Variants in USP44 observed in about 807,000 individuals in gnomAD.
The protein encoded by USP44 is ubiquitin specific peptidase 44, also known as ubiquitin carboxyl-terminal hydrolase 44.
Under a neutral mutation model 69.0 loss-of-function variants are expected in USP44, and 61 were observed. The ratio of observed to expected loss-of-function variants is 0.88; its 90% confidence interval spans 0.72 to 1.09. The LOEUF is 1.09. Among genes scored for constraint, USP44 ranks in the 50% least tolerant of loss-of-function variants. USP44 has a pLI of 0.00. For synonymous variants in USP44, 297 were observed against 295.4 expected (o/e 1.01, Z -0.06); for missense variants, 753 against 849.9 (o/e 0.89, Z 1.42).
chr12:95,519,432 A>ATTTTTTTTTTTTT (rs60940181), intron 5 of USP44, among the ~76,000 whole-genome samples: 2 of 84,544 alleles, frequency 2.4e-5, no homozygotes, highest in Non-Finnish European at 4.3e-5. Flanking sequence ...CTCAATCTGT[A>ATTTTTTTTTTTTT]TTTTTTTTTT....
chr12:95,543,261 C>T (rs866128243), intron 1 of USP44, among the ~76,000 whole-genome samples: 2 of 148,802 alleles, frequency 1.3e-5, no homozygotes, highest in Admixed American at 1.3e-4. Flanking sequence ...ATTAGCCGGG[C>T]GTGGTGGCAC....
intron 1 of USP44, chr12:95,546,649 C>T (rs1055611965): frequency 1.3e-5 from 2 of 152,192 alleles, no homozygotes; most frequent in Non-Finnish European, 2.9e-5. Flanking sequence ...TAGAATCTGG[C>T]ACCCACGTTT....
rs985221152 is a variant in USP44 at position 95,517,328 on chromosome 12, A to AATG, written c.*823_*825dup. The AATG allele has an allele frequency of 9.2e-5, 14 of 152,176 alleles. No individual in the cohort carries two copies. Among genetic ancestry groups the AATG allele is most frequent in the Admixed American group, 7.9e-4 (12 of 15,270 alleles). 9.4% of individuals were successfully genotyped at this position (152,176 alleles called of 1,614,324 possible). A position where few individuals can be genotyped will look rare whatever the true frequency, so the allele number is the denominator to read the frequency against. ...AAATACATAAAGTTTTAAGAGATCT[A>AATG]ATGTCATCAGACATTATAAAATGAA... On this transcript the variant is annotated 3_prime_UTR_variant, in exon 6 of 6. Coordinates refer to ENST00000258499, the MANE Select transcript of USP44 (RefSeq NM_032147.5).
At chr12:95,519,774 T>G (rs1186287937) in intron 5 of USP44, among the ~76,000 whole-genome samples, 1 of 145,022 alleles carries the variant, frequency 6.9e-6, no homozygotes, top group Non-Finnish European at 1.5e-5. Context: ...GCATGGTGGC[T>G]CACGCCTGTA....
chr12:95,534,071 T>G lies in USP44; in HGVS notation c.186A>C (p.Gln62His). 1 of 1,614,234 alleles carries G rather than the reference T, an allele frequency of 6.2e-7. No homozygotes were observed. Among genetic ancestry groups the G allele is most frequent in the Non-Finnish European group, 8.5e-7 (1 of 1,180,046 alleles). ...CCAATGCAACAGGATGACTGCTTTC[T>G]TGAAAGTGCTTGAGTGCATGCTCTT... is the stretch of plus-strand genomic sequence containing the variant. ...YIEEHALKHFQESSHPVALEV... is the reference protein window; with the variant it reads ...YIEEHALKHFHESSHPVALEV... The change falls in exon 2 of 6, where the codon CAA (glutamine) becomes CAC (histidine). Residue 62 changes from glutamine to histidine, a missense_variant. Coordinates refer to ENST00000258499, the MANE Select transcript of USP44 (RefSeq NM_032147.5).
intron 1 of USP44, among the ~76,000 whole-genome samples, chr12:95,540,890 T>C (rs970524104): frequency 2.0e-5 from 3 of 152,226 alleles, no homozygotes; most frequent in African/African-American, 7.2e-5. Flanking sequence ...ATAATTTTAA[T>C]TTCCTCATTA....
Position 95,518,123 on chromosome 12 carries a change from A to G in USP44, c.*31T>C, listed in dbSNP as rs746262930. 3.4e-5 allele frequency: 54 copies of G among 1,609,774 alleles called. No homozygotes were observed. Among genetic ancestry groups the G allele is most frequent in the Admixed American group, 5.0e-5 (3 of 59,682 alleles). On this transcript the variant is annotated 3_prime_UTR_variant, in exon 6 of 6. Transcript: ENST00000258499. The stretch of plus-strand genomic sequence containing the variant: ...AGTCTTTTAAAAAGTATATATATAA[A>G]TCACAGGAAGAAAACCCCATTGTCT...
intron 1 of USP44, among the ~76,000 whole-genome samples, chr12:95,543,653 A>G (rs1565840117): frequency 2.0e-5 from 3 of 151,830 alleles, no homozygotes; most frequent in Admixed American, 6.6e-5. Flanking sequence ...AAGGGTAGCT[A>G]AATTTTTTTT....
intron 1 of USP44, chr12:95,546,407 C>T (rs1302287030): frequency 6.6e-6 from 1 of 152,176 alleles, no homozygotes; most frequent in African/African-American, 2.4e-5. Context: ...TCTAAAATTG[C>T]TGTGAATGTT....
chr12:95,523,426 C>T (rs1021206702), intron 4 of USP44, among the ~76,000 whole-genome samples: 2 of 152,040 alleles, frequency 1.3e-5, no homozygotes, highest in Non-Finnish European at 2.9e-5. Context: ...TAGAGGACAC[C>T]CAGCTCGCAT....
chr12:95,550,410 A>G (rs918920651), intron 1 of USP44, among the ~76,000 whole-genome samples: 7 of 152,172 alleles, frequency 4.6e-5, no homozygotes, highest in Admixed American at 2.0e-4. Context: ...ATTTAAGTGC[A>G]TAATAATTCT....
At chr12:95,519,210 T>TAC (rs55778232) in intron 5 of USP44, among the ~76,000 whole-genome samples, 26,104 of 152,088 alleles carry the variant, frequency 0.17, 2,396 homozygotes, top group African/African-American at 0.21. Flanking sequence ...TTGCTCAATG[T>TAC]ACAAACTTTG....
chr12:95,524,131 AG>A (rs1397176055), intron 4 of USP44, among the ~76,000 whole-genome samples: 6 of 151,958 alleles, frequency 3.9e-5, no homozygotes, highest in African/African-American at 7.2e-5. Context: ...CCCAGGCTGG[AG>A]TGCAACAGTG....
chr12:95,547,291 G>A (rs1389968781), intron 1 of USP44, among the ~76,000 whole-genome samples: 1 of 152,284 alleles, frequency 6.6e-6, no homozygotes, highest in East Asian at 1.9e-4. Flanking sequence ...ATAGCCCACA[G>A]TGATAAATAC....
chr12:95,548,949 G>T lies in USP44; in HGVS notation c.-71+2323C>A, dbSNP rs1165888431. Reference sequence around the variant, plus strand: ...GGGCACCGAGAACCTGCCGGTGGCCGCCTTCCGCGCCTCGTGGGGGGGTCG... The same window carrying T: ...GGGCACCGAGAACCTGCCGGTGGCCTCCTTCCGCGCCTCGTGGGGGGGTCG... On this transcript the variant is annotated intron_variant, in intron 1 of 5. Transcript: ENST00000258499. This position sits in a 1 kb window ranked among gnomAD's most constrained non-coding sequence, Gnocchi z 4.1. 1.3e-5 allele frequency: 2 copies of T among 151,990 alleles called. 1 individual carries two copies. 9.4% of individuals were successfully genotyped at this position (151,990 alleles called of 1,614,324 possible).
intron 4 of USP44, 127 bp from the exon 5 acceptor site, chr12:95,521,329 G>T: frequency 1.2e-6 from 1 of 859,214 alleles, no homozygotes; most frequent in Non-Finnish European, 1.9e-6. Context: ...AATATAAAAT[G>T]ATGTCAATGC....
intron 1 of USP44, among the ~76,000 whole-genome samples, chr12:95,538,095 T>A (rs1263293688): frequency 1.3e-5 from 2 of 152,194 alleles, no homozygotes; most frequent in Non-Finnish European, 2.9e-5. Context: ...GGTGAAATCT[T>A]GATTAGATGT....
intron 4 of USP44, 86 bp downstream of exon 4, chr12:95,524,594 G>A: frequency 9.8e-7 from 1 of 1,016,468 alleles, no homozygotes; most frequent in Non-Finnish European, 1.4e-6. Flanking sequence ...TAAAGTAAGG[G>A]GAAAAAATTA....
rs2077074710 is a variant in USP44 at position 95,533,079 on chromosome 12, C to G, written c.1178G>C (p.Trp393Ser). 6.2e-7 allele frequency: 1 copy of G among 1,614,092 alleles called. No homozygotes were observed. Among genetic ancestry groups the G allele is most frequent in the Non-Finnish European group, 8.5e-7 (1 of 1,180,048 alleles). ...HELHTLFQVM[W>S]SGKWALVSPF... ...TGAGACCAACGCCCACTTTCCAGACCACATGACTTGGAACAAAGTATGCAA... is the reference window on the plus strand; with the variant it reads ...TGAGACCAACGCCCACTTTCCAGACGACATGACTTGGAACAAAGTATGCAA... The change falls in exon 2 of 6, where the codon TGG becomes TCG. Residue 393 changes from tryptophan (W) to serine (S), a missense_variant. Physicochemically the swap from Trp to Ser is radical, Grantham distance 177. Coordinates refer to ENST00000258499, the MANE Select transcript of USP44 (RefSeq NM_032147.5).
Sources: allele counts gnomAD v4.1 joint callset (sites outside exome capture counted in the v4.1 genomes callset), GRCh38; gene constraint gnomAD v4.1.1; non-coding constraint Gnocchi (gnomAD v3.1); transcripts MANE v1.5; gene names NCBI Gene and HGNC (gene_info 2026-07-23, HGNC 2026-07-21).